The following BCL3 variants were observed in gnomAD, a reference collection of about 807,000 sequenced individuals.
The protein encoded by BCL3 is BCL3 transcription coactivator, also known as B-cell lymphoma 3 protein.
In BCL3, 15 loss-of-function variants were observed where a neutral mutation model predicts 35.7. The observed-to-expected ratio is 0.42, with a 90% confidence interval of 0.28 to 0.65. The LOEUF (loss-of-function observed/expected upper bound fraction) is 0.65, where lower values mean the gene tolerates loss of function less well. BCL3 is among the 30% of genes least tolerant of loss of function. The pLI, the probability that BCL3 is intolerant of heterozygous loss-of-function variation, is 0.22. For synonymous variants in BCL3, 311 were observed against 284.3 expected (o/e 1.09, Z -0.95); for missense variants, 565 against 641.7 (o/e 0.88, Z 1.29).
chr19:44,759,372 T>G (rs1012685933), intron 8 of BCL3, 56 bp from the exon 9 acceptor site: 25 of 920,460 alleles, frequency 2.7e-5, no homozygotes, highest in African/African-American at 3.7e-5. Context: ...CCCCAGCCCC[T>G]GCTCTCTGGG....
In BCL3 at chr19:44,754,130, T is replaced by G. The variant is rs115516322; in HGVS notation, c.411-2102T>G. On this transcript the variant is annotated intron_variant, in intron 2 of 8. Transcript: ENST00000164227. ...TCTGGGTCTCTGAGGGGACAAGGAC[T>G]GGCAAGGTAGTTTGGGATCCTGGAG... 9.3e-4 allele frequency among the ~76,000 whole-genome samples: 141 copies of G among 152,254 alleles called. 1 individual carries two copies. Among genetic ancestry groups the G allele is most frequent in the African/African-American group, 3.1e-3 (129 of 41,558 alleles).
At chr19:44,753,262 G>A (rs574281778) in intron 2 of BCL3, among the ~76,000 whole-genome samples, 50 of 152,296 alleles carry the variant, frequency 3.3e-4, no homozygotes, top group Non-Finnish European at 1.0e-4. Context: ...ACCTCTGGGG[G>A]GTCATCTATG....
Position 44,748,821 on chromosome 19 carries a change from G to C in BCL3, c.31G>C (p.Glu11Gln), listed in dbSNP as rs1434313647. 9.0e-7 allele frequency: 1 copy of C among 1,108,386 alleles called. No homozygotes were observed. Among genetic ancestry groups the C allele is most frequent in the Non-Finnish European group, 1.1e-6 (1 of 910,088 alleles). The allele number at this position is 1,108,386 out of a possible 1,614,324, so 68.7% of individuals were successfully genotyped here. A position where few individuals can be genotyped will look rare whatever the true frequency, so the allele number is the denominator to read the frequency against. The change falls in exon 1 of 9, where the codon GAG becomes CAG. Residue 11 changes from glutamate (E) to glutamine (Q), a missense_variant. Physicochemically the swap from Glu to Gln is conservative, Grantham distance 29. Coordinates refer to ENST00000164227, the MANE Select transcript of BCL3 (RefSeq NM_005178.5). Reference protein sequence around the residue: MPRCPAGAMDEGPVDLRTRPK... With the variant: MPRCPAGAMDQGPVDLRTRPK... ...CCGATGCCCCGCGGGGGCCATGGAC[G>C]AGGGGCCCGTGGACCTGCGCACCCG...
chr19:44,758,484 C>T, intron 7 of BCL3, 71 bp downstream of exon 7: 1 of 1,495,756 alleles, frequency 6.7e-7, no homozygotes, highest in Non-Finnish European at 9.0e-7. Flanking sequence ...GCGAGTGTGC[C>T]AGAGCGCAGA....
At position 44,758,841 on chromosome 19, in the gene BCL3, G is replaced by C. The variant is rs754092281; in HGVS notation, c.1177G>C (p.Gly393Arg). 5.7e-6 allele frequency: 9 copies of C among 1,588,636 alleles called. No homozygotes were observed. The change falls in exon 8 of 9, where the codon GGT becomes CGT. Residue 393 changes from glycine to arginine, a missense_variant and splice_region_variant. By Grantham distance (125) the Gly-to-Arg change is moderately radical. This residue lies in a region of BCL3 where 151 missense variants were observed against 138.1 expected (regional missense o/e 1.09). Coordinates refer to ENST00000164227, the MANE Select transcript of BCL3 (RefSeq NM_005178.5). ...PESSSRLSSN[G>R]LLSASPSSSP... is the part of the protein sequence containing the mutation. ...GAGCAGCAGCCGCCTCAGCTCCAAT[G>C]GTGAGAAACCGTTCCCAACCTCCAG...
rs1432224352 is a variant in BCL3 at position 44,759,480 on chromosome 19, C to T, written c.1230C>T (p.Asp410=). The T allele has an allele frequency of 6.2e-7, 1 of 1,609,706 alleles. No individual in the cohort carries two copies. Among genetic ancestry groups the T allele is most frequent in the Non-Finnish European group, 8.5e-7 (1 of 1,177,232 alleles). The stretch of plus-strand genomic sequence containing the variant: ...CACCCTCCCAGTCTCCCCCCAGGGA[C>T]CCCCCTGGATTCCCCATGGCTCCTC... The part of the protein sequence containing the change: ...SSSPSQSPPR[D]PPGFPMAPPN... The change falls in exon 9 of 9, where the codon GAC becomes GAT. Residue 410 remains aspartate, a synonymous_variant. Coordinates refer to ENST00000164227, the MANE Select transcript of BCL3 (RefSeq NM_005178.5).
upstream of BCL3, chr19:44,748,559 AG>A (rs1461844839): frequency 3.1e-6 from 1 of 317,520 alleles, no homozygotes; most frequent in East Asian, 1.6e-4. Flanking sequence ...GGCGGGGCGC[AG>A]GGCAGGCTGC....
At chr19:44,749,974 C>T (rs1967146185) in intron 1 of BCL3, among the ~76,000 whole-genome samples, 1 of 152,196 alleles carries the variant, frequency 6.6e-6, no homozygotes. Flanking sequence ...AGACCACACA[C>T]TCTTCTCTCC....
At chr19:44,751,110 G>A in intron 1 of BCL3, 117 bp from the exon 2 acceptor site, 1 of 1,344,682 alleles carries the variant, frequency 7.4e-7, no homozygotes. Flanking sequence ...GATGCAAAAG[G>A]GACCCAGGAG....
In BCL3 at chr19:44,759,713, C is replaced by A. The variant is rs1181809080; in HGVS notation, c.*98C>A. The A allele has an allele frequency of 1.7e-5, 11 of 640,364 alleles. No homozygotes were observed. Among genetic ancestry groups the A allele is most frequent in the East Asian group, 6.4e-5 (2 of 31,080 alleles). 39.7% of individuals were successfully genotyped at this position (640,364 alleles called of 1,614,324 possible). On this transcript the variant is annotated 3_prime_UTR_variant, in exon 9 of 9. Coordinates refer to ENST00000164227, the MANE Select transcript of BCL3 (RefSeq NM_005178.5). ...ACTGTGAAGATCTCACTCTGCCCCC[C>A]CCCCCCATCTTCGGGACCAGGATTT...
chr19:44,748,962 G>A lies in BCL3; in HGVS notation c.172G>A (p.Asp58Asn). 7.3e-7 allele frequency: 1 copy of A among 1,366,406 alleles called. No homozygotes were observed. The allele number at this position is 1,366,406 out of a possible 1,614,324, so 84.6% of individuals were successfully genotyped here. A position where few individuals can be genotyped will look rare whatever the true frequency, so the allele number is the denominator to read the frequency against. Residue 58 changes from aspartate (D) to asparagine (N), a missense_variant, in exon 1 of 9, where the codon GAC (aspartate) becomes AAC (asparagine). Physicochemically the swap from Asp to Asn is conservative, Grantham distance 23. Transcript: ENST00000164227. ...RGAAGLVVPL[D>N]PLRGGCDLPA... ...CGCTGCGGGCCTTGTCGTCCCCCTG[G>A]ACCCTCTGCGCGGCGGCTGCGACCT...
chr19:44,748,622 G>C (rs917769306), upstream of BCL3: 2 of 813,412 alleles, frequency 2.5e-6, no homozygotes, highest in Non-Finnish European at 3.0e-6. Flanking sequence ...TGGGGCGTAC[G>C]GGTGGCCCCG....
intron 6 of BCL3, among the ~76,000 whole-genome samples, 199 bp from the exon 7 acceptor site, chr19:44,758,047 C>T (rs1245323591): frequency 6.6e-6 from 1 of 152,204 alleles, no homozygotes; most frequent in Non-Finnish European, 1.5e-5. Flanking sequence ...GCGCGGGCCT[C>T]GGTGTCCAGC....
chr19:44,750,885 G>T (rs1462549781), intron 1 of BCL3, among the ~76,000 whole-genome samples: 1 of 152,156 alleles, frequency 6.6e-6, no homozygotes, highest in Non-Finnish European at 1.5e-5. Context: ...CAATTCATCA[G>T]CCACAAAATC....
Position 44,757,661 on chromosome 19 carries a change from C to G in BCL3, c.829C>G (p.Arg277Gly). The change falls in exon 6 of 9, where the codon CGC (arginine) becomes GGC (glycine). Residue 277 changes from arginine to glycine, a missense_variant. Coordinates refer to ENST00000164227, the MANE Select transcript of BCL3 (RefSeq NM_005178.5). This position sits in a 1 kb window ranked among gnomAD's most constrained non-coding sequence, Gnocchi z 8.4. ...DIDAVDIKSG[R>G]SPLIHAVENN... ...CCCGCCGCAGGACATTAAGAGCGGCCGCTCCCCGCTCATCCACGCCGTGGA... is the reference window on the plus strand; with the variant it reads ...CCCGCCGCAGGACATTAAGAGCGGCGGCTCCCCGCTCATCCACGCCGTGGA... The G allele has an allele frequency of 6.2e-7, 1 of 1,613,826 alleles. No individual in the cohort carries two copies. The highest frequency in any genetic ancestry group is 8.5e-7 in the Non-Finnish European group (1 of 1,179,882).
In BCL3 at chr19:44,757,626, A is replaced by G; in HGVS notation, c.814-20A>G. 1 of 1,611,004 alleles carries G rather than the reference A, an allele frequency of 6.2e-7. No homozygotes were observed. The highest frequency in any genetic ancestry group is 8.5e-7 in the Non-Finnish European group (1 of 1,178,668). On this transcript the variant is annotated intron_variant, in intron 5 of 8. Transcript: ENST00000164227. The surrounding 1 kb of genome is among the most constrained non-coding windows in gnomAD (Gnocchi z 8.4). ...TGGAGCAGAGCTTGGAGAAACTAAG[A>G]CCTTCCCTCCCCGCCGCAGGACATT...
chr19:44,756,922 A>T, intron 3 of BCL3, 95 bp from the exon 4 acceptor site: 1 of 1,179,004 alleles, frequency 8.5e-7, no homozygotes, highest in Non-Finnish European at 1.2e-6. Context: ...CCTGGGGAAG[A>T]CTGCAGGATG....
At chr19:44,754,899 G>C (rs1269629047) in intron 2 of BCL3, among the ~76,000 whole-genome samples, 3 of 152,270 alleles carry the variant, frequency 2.0e-5, no homozygotes, top group African/African-American at 7.2e-5. Context: ...TACGCTAGGA[G>C]GGGTTGTGGC....
Position 44,757,500 on chromosome 19 carries a change from G to A in BCL3, c.813+85G>A, listed in dbSNP as rs1456898775. The A allele has an allele frequency of 2.2e-5, 32 of 1,484,412 alleles. No individual in the cohort carries two copies. Among genetic ancestry groups the A allele is most frequent in the Middle Eastern group, 2.2e-4 (1 of 4,460 alleles). 92.0% of individuals were successfully genotyped at this position (1,484,412 alleles called of 1,614,324 possible). ...GGGGCGGGGCCAGTGTGGGGCTGGC[G>A]TGGGAGAGCACCCGGGTGGGGTGGG... is the stretch of plus-strand genomic sequence containing the variant. On this transcript the variant is annotated intron_variant, in intron 5 of 8. Transcript: ENST00000164227. This position sits in a 1 kb window ranked among gnomAD's most constrained non-coding sequence, Gnocchi z 8.4.
Sources: allele counts gnomAD v4.1 joint callset (sites outside exome capture counted in the v4.1 genomes callset), GRCh38; gene constraint gnomAD v4.1.1; regional missense constraint gnomAD v4.1.1; non-coding constraint Gnocchi (gnomAD v3.1); transcripts MANE v1.5; gene names NCBI Gene and HGNC (gene_info 2026-07-23, HGNC 2026-07-21).